Variants in COL9A3 observed in about 807,000 individuals in gnomAD.
The protein encoded by COL9A3 is collagen alpha-3(IX) chain.
In COL9A3, 82 loss-of-function variants were observed where a neutral mutation model predicts 110.2. The observed-to-expected ratio is 0.74, with a 90% CI of 0.62 to 0.89. COL9A3 has a LOEUF of 0.89. Among genes scored for constraint, COL9A3 ranks in the 40% least tolerant of loss-of-function variants. The probability of loss-of-function intolerance (pLI) is 0.00; values close to 1 mark genes in which losing one functional copy is unlikely to be tolerated. For missense variants in COL9A3, 1,066 were observed against 981.3 expected (o/e 1.09, Z -1.15); for synonymous variants, 494 against 403.8 (o/e 1.22, Z -2.68).
intron 12 of COL9A3, chr20:62,825,331 G>A: frequency 3.1e-6 from 1 of 323,780 alleles, no homozygotes. Context: ...GCCTGGCCTC[G>A]CTGTGGAAGC....
rs577516146 is a variant in COL9A3, at chr20:62,840,377, G to A, written c.1865-165G>A. On this transcript the variant is annotated intron_variant, in intron 31 of 31. Transcript: ENST00000649368. ...GGACACTCCCGACCGCCAGCCCCGC[G>A]GAGAGCCTTTGTGTGCCGTTCCCTC... 1.0e-4 allele frequency among the ~76,000 whole-genome samples: 13 copies of A among 129,286 alleles called. No homozygotes were observed. The East Asian group carries it at 1.1e-3, about 11-fold the overall frequency. 84.8% of individuals were successfully genotyped at this position (129,286 alleles called of 152,430 possible).
Position 62,827,286 on chromosome 20 carries a change from G to A in COL9A3, c.838G>A (p.Gly280Ser). 6.2e-7 allele frequency: 1 copy of A among 1,613,110 alleles called. No homozygotes were observed. The highest frequency in any genetic ancestry group is 8.5e-7 in the Non-Finnish European group (1 of 1,179,946). The change falls in exon 16 of 32, where the codon GGT becomes AGT. Residue 280 changes from glycine to serine, a missense_variant. By Grantham distance (56) the Gly-to-Ser change is moderately conservative. Transcript: ENST00000649368. ...RGPEGFRGPKGDLGRPGPKGT... is the reference protein window; with the variant it reads ...RGPEGFRGPKSDLGRPGPKGT... ...CCCAGAAGGGTTCCGCGGCCCCAAG[G>A]GTGACCTCGTAAGTGAGAGGGAAGT...
chr20:62,830,272 G>A, intron 22 of COL9A3, 88 bp from the exon 23 acceptor site: 2 of 1,458,748 alleles, frequency 1.4e-6, no homozygotes, highest in Non-Finnish European at 1.9e-6. Flanking sequence ...CACCCACTCT[G>A]GGGGAAGGCT....
Position 62,830,382 on chromosome 20 carries a change from C to A in COL9A3, c.1184C>A (p.Pro395His). The change falls in exon 23 of 32, where the codon CCT (proline) becomes CAT (histidine). Residue 395 changes from proline to histidine, a missense_variant. Physicochemically the swap from Pro to His is moderately conservative, Grantham distance 77. Coordinates refer to ENST00000649368, the MANE Select transcript of COL9A3 (RefSeq NM_001853.4). ...CAGGGGGCCCTCGGCCCACAAGGCC[C>A]TCCCGGAGCCCCTGGTGTCCGAGGC... Reference protein sequence around the residue: ...GSAGALGPQGPPGAPGVRGFQ... With the variant: ...GSAGALGPQGHPGAPGVRGFQ... The A allele has an allele frequency of 1.3e-6, 2 of 1,573,552 alleles. No homozygotes were observed. The highest frequency in any genetic ancestry group is 1.7e-6 in the Non-Finnish European group (2 of 1,159,170).
intron 25 of COL9A3, 88 bp from the exon 26 acceptor site, chr20:62,832,932 A>T (rs747641165): frequency 8.0e-6 from 10 of 1,245,180 alleles, no homozygotes; most frequent in Non-Finnish European, 1.2e-5. Flanking sequence ...CATTACACCT[A>T]CGGAGGCTTG....
At chr20:62,823,204 GGCGT>G (rs2063524635) in intron 10 of COL9A3, among the ~76,000 whole-genome samples, 1 of 152,162 alleles carries the variant, frequency 6.6e-6, no homozygotes, top group Admixed American at 6.5e-5. Context: ...CAGACGTGGT[GGCGT>G]GCCTGTTGTC....
At chr20:62,830,494 C>A in intron 23 of COL9A3, 23 bp from the exon 24 acceptor site, 1 of 1,604,700 alleles carries the variant, frequency 6.2e-7, no homozygotes, top group Non-Finnish European at 8.5e-7. Context: ...TGGGCACTGA[C>A]GAGCCAGGAC....
chr20:62,832,495 G>A lies in COL9A3; in HGVS notation c.1323+306G>A, dbSNP rs372663195. On this transcript the variant is annotated intron_variant, in intron 25 of 31. Coordinates refer to ENST00000649368, the MANE Select transcript of COL9A3 (RefSeq NM_001853.4). ...GCAACAGAAGCTGCTTCTAGTCCAG[G>A]AGGCACCAATGGGAACTCTCAAAGG... is the stretch of plus-strand genomic sequence containing the variant. Among the ~76,000 whole-genome samples, 12 of 152,390 alleles carry A rather than the reference G, an allele frequency of 7.9e-5. No homozygotes were observed. In the South Asian group the frequency reaches 1.7e-3, roughly 21 times the overall value.
chr20:62,826,273 C>A lies in COL9A3; in HGVS notation c.738+16C>A. ...TGGGGACCGGGTAAGTCCTGCAGCC[C>A]CTAGTGGGGGCCGGCCAGGTGGCTG... On this transcript the variant is annotated intron_variant, in intron 14 of 31. Transcript: ENST00000649368. 1 of 1,547,426 alleles carries A rather than the reference C, an allele frequency of 6.5e-7. No individual in the cohort carries two copies. Among genetic ancestry groups the A allele is most frequent in the Non-Finnish European group, 8.7e-7 (1 of 1,146,870 alleles).
chr20:62,828,949 G>A lies in COL9A3; in HGVS notation c.981G>A (p.Pro327=), dbSNP rs758175731. Residue 327 remains proline, a synonymous_variant, in exon 19 of 32, where the codon CCG becomes CCA. Transcript: ENST00000649368. ...QKGEAGRNGA[P]GEKGPNGLPG... ...GAGAGGCTGGTCGCAACGGTGCTCC[G>A]GGAGAGAAGGGCCCCAACGGGCTGC... 28 of 1,610,434 alleles carry A rather than the reference G, an allele frequency of 1.7e-5. No homozygotes were observed. The highest frequency in any genetic ancestry group is 6.7e-5 in the East Asian group (3 of 44,832).
Position 62,826,867 on chromosome 20 carries a change from C to T in COL9A3, c.792+47C>T, listed in dbSNP as rs765843000. The T allele has an allele frequency of 7.5e-6, 12 of 1,599,984 alleles. No individual in the cohort carries two copies. In the East Asian group the frequency reaches 1.8e-4, roughly 24 times the overall value. On this transcript the variant is annotated intron_variant, in intron 15 of 31. Transcript: ENST00000649368. ...GGGCGCCATGCCTCGTGACCTCTCT[C>T]CCCTTTCCCTCTGCTCCTCTCAGAC...
intron 16 of COL9A3, 45 bp downstream of exon 16, chr20:62,827,339 AC>A: frequency 6.3e-7 from 1 of 1,595,476 alleles, no homozygotes; most frequent in Non-Finnish European, 8.6e-7. Flanking sequence ...ATGTGGAAGA[AC>A]CCAATTTCCC....
intron 31 of COL9A3, 75 bp from the exon 32 acceptor site, chr20:62,840,467 C>A: frequency 7.4e-7 from 1 of 1,360,170 alleles, no homozygotes; most frequent in Non-Finnish European, 1.1e-6. Context: ...GCAGGGCTTG[C>A]CCACAGCTGG....
chr20:62,831,796 C>T (rs2147219983), intron 24 of COL9A3: 1 of 366,756 alleles, frequency 2.7e-6, no homozygotes, highest in East Asian at 5.5e-5. Flanking sequence ...GACATGTCCT[C>T]ATTTCACAAT....
At chr20:62,820,021 GGT>G in intron 5 of COL9A3, 39 bp downstream of exon 5, 2 of 1,609,684 alleles carry the variant, frequency 1.2e-6, no homozygotes, top group Non-Finnish European at 8.5e-7. Context: ...TGGGTTCAGA[GGT>G]GAGGTCCCCT....
intron 16 of COL9A3, 38 bp from the exon 17 acceptor site, chr20:62,827,885 G>A: frequency 6.2e-7 from 1 of 1,605,504 alleles, no homozygotes; most frequent in East Asian, 2.2e-5. Context: ...CGTCTGGGAA[G>A]AGACTGCCAC....
At chr20:62,824,308 G>A in intron 10 of COL9A3, 137 bp from the exon 11 acceptor site, 1 of 865,738 alleles carries the variant, frequency 1.2e-6, no homozygotes, top group South Asian at 1.4e-5. Context: ...CTGGGGTCCT[G>A]TCACCATGAG....
At chr20:62,832,910 C>T (rs1568761066) in intron 25 of COL9A3, 110 bp from the exon 26 acceptor site, 8 of 1,042,302 alleles carry the variant, frequency 7.7e-6, no homozygotes, top group Non-Finnish European at 1.2e-5. Context: ...TTGGCCTCGA[C>T]CTTAAGATGA....
rs2063644388 is a variant in COL9A3, at chr20:62,837,263, G to T, written c.1784G>T (p.Arg595Ile). 1 of 1,609,690 alleles carries T rather than the reference G, an allele frequency of 6.2e-7. No individual in the cohort carries two copies. The highest frequency in any genetic ancestry group is 2.2e-5 in the East Asian group (1 of 44,868). Residue 595 changes from arginine (R) to isoleucine (I), a missense_variant and splice_region_variant, in exon 30 of 32, where the codon AGA becomes ATA. Arg to Ile is a moderately conservative substitution (Grantham distance 97). Coordinates refer to ENST00000649368, the MANE Select transcript of COL9A3 (RefSeq NM_001853.4). ...GGGGAGCTGGGAGACCCCGGGCCCA[G>T]AGGTGAGTGTTTGACCCCATGACAC... ...PTGELGDPGP[R>I]GNQGDRGDKG...
Sources: gnomAD v4.1 joint callset for allele counts (sites outside exome capture counted in the v4.1 genomes callset) on GRCh38, gnomAD v4.1.1 for gene constraint, MANE v1.5 for transcripts, NCBI Gene and HGNC (gene_info 2026-07-23, HGNC 2026-07-21) for gene names.